The following PDILT variants were observed in gnomAD, a reference collection of about 807,000 sequenced individuals.
PDILT encodes the protein protein disulfide isomerase like, testis expressed, also known as protein disulfide-isomerase-like protein of the testis.
Under a neutral mutation model 53.7 loss-of-function variants are expected in PDILT, and 43 were observed. The ratio of observed to expected loss-of-function variants is 0.80; its 90% CI spans 0.63 to 1.03. The LOEUF (loss-of-function observed/expected upper bound fraction) is 1.03, where lower values mean the gene tolerates loss of function less well. PDILT is among the 50% of genes least tolerant of loss of function. The pLI is 0.00. For synonymous variants in PDILT, 282 were observed against 274.2 expected, an observed-to-expected ratio of 1.03 and a Z score of -0.28; for missense variants, 727 against 712.3, an observed-to-expected ratio of 1.02 and a Z score of -0.24.
At chr16:20,375,075 T>C (rs1338586708) in intron 4 of PDILT, 116 bp from the exon 5 acceptor site, 1 of 1,207,092 alleles carries the variant, frequency 8.3e-7, no homozygotes, top group Non-Finnish European at 1.1e-6. Flanking sequence ...AGTTCTGGGG[T>C]TTGCCTGGGT....
At chr16:20,383,401 T>C (rs1037393747) in intron 3 of PDILT, among the ~76,000 whole-genome samples, 3 of 152,146 alleles carry the variant, frequency 2.0e-5, no homozygotes, top group African/African-American at 4.8e-5. Flanking sequence ...CTGGTATCTA[T>C]AGGAAACAGC....
At position 20,365,470 on chromosome 16, in the gene PDILT, T is replaced by C; in HGVS notation, c.1187A>G (p.Asn396Ser). 1.2e-6 allele frequency: 2 copies of C among 1,613,960 alleles called. No homozygotes were observed. The highest frequency in any genetic ancestry group is 2.2e-5 in the South Asian group (2 of 91,076). Residue 396 changes from asparagine (N) to serine (S), a missense_variant, in exon 9 of 12, where the codon AAC becomes AGC. Asn to Ser is a conservative substitution (Grantham distance 46). Coordinates refer to ENST00000302451, the MANE Select transcript of PDILT (RefSeq NM_174924.2). Reference protein sequence around the residue: ...QGLVKQLVGKNFNVVVFDKEK... With the variant: ...QGLVKQLVGKSFNVVVFDKEK... ...TTTGTCAAAGACGACTACGTTGAAG[T>C]TCTTCCCCACGAGCTGCTTAACCAG...
chr16:20,365,526 A>G lies in PDILT; in HGVS notation c.1131T>C (p.Ser377=), dbSNP rs755695194. Residue 377 remains serine (S), a synonymous_variant, in exon 9 of 12, where the codon AGT becomes AGC. Coordinates refer to ENST00000302451, the MANE Select transcript of PDILT (RefSeq NM_174924.2). ...GGTCCCAGTATTTTGGAATCTCTTC[A>G]CTGGATTGATGTTTCTAGGAAGCAC... ...LSKNATKHQS[S]EEIPKYWDQG... 1.7e-5 allele frequency: 27 copies of G among 1,614,136 alleles called. No individual in the cohort carries two copies. Among genetic ancestry groups the G allele is most frequent in the Non-Finnish European group, 2.2e-5 (26 of 1,179,986 alleles).
At chr16:20,403,125 C>T (rs894213507) in intron 1 of PDILT, among the ~76,000 whole-genome samples, 2 of 152,150 alleles carry the variant, frequency 1.3e-5, no homozygotes, top group African/African-American at 2.4e-5. Context: ...CCACATTCTC[C>T]CTGTGTGCAT....
intron 2 of PDILT, chr16:20,391,065 A>C (rs1266905515): frequency 6.5e-6 from 1 of 153,824 alleles, no homozygotes; most frequent in Non-Finnish European, 1.4e-5. Context: ...TCATCAGCAT[A>C]GTTAATAATC....
In PDILT at chr16:20,384,760, A is replaced by G; in HGVS notation, c.294T>C (p.Phe98=). 1.2e-6 allele frequency: 2 copies of G among 1,614,170 alleles called. No individual in the cohort carries two copies. The highest frequency in any genetic ancestry group is 1.7e-6 in the Non-Finnish European group (2 of 1,180,034). ...TCTCTATGGTAATGTCCACTTTGCC[A>G]AAGCCGATCCCATTCTTGCCTTTGC... ...IMGKGKNGIG[F]GKVDITIEKE... The change falls in exon 3 of 12, where the codon TTT becomes TTC. Residue 98 remains phenylalanine (F), a synonymous_variant. Coordinates refer to ENST00000302451, the MANE Select transcript of PDILT (RefSeq NM_174924.2).
At chr16:20,390,005 G>A (rs965984218) in intron 2 of PDILT, among the ~76,000 whole-genome samples, 9 of 152,108 alleles carry the variant, frequency 5.9e-5, no homozygotes, top group Non-Finnish European at 1.0e-4. Flanking sequence ...ACAGCCCCCA[G>A]CCCCACAAGC....
At chr16:20,374,272 G>T (rs2141715580) in intron 5 of PDILT, among the ~76,000 whole-genome samples, 1 of 152,176 alleles carries the variant, frequency 6.6e-6, no homozygotes, top group Admixed American at 6.5e-5. Context: ...AATCAGTAGG[G>T]TTGTGGTGAT....
intron 1 of PDILT, among the ~76,000 whole-genome samples, chr16:20,403,640 AG>A (rs1283682122): frequency 7.4e-6 from 1 of 134,348 alleles, no homozygotes; most frequent in South Asian, 2.6e-4. Flanking sequence ...GCCTATCAAA[AG>A]GTGCTCACTT....
intron 2 of PDILT, among the ~76,000 whole-genome samples, chr16:20,398,849 A>C (rs1286468231): frequency 6.6e-6 from 1 of 152,192 alleles, no homozygotes; most frequent in South Asian, 2.1e-4. Flanking sequence ...GCTCCTCTTC[A>C]GTGGGACAGA....
chr16:20,360,005 C>A (rs941869035), intron 11 of PDILT, among the ~76,000 whole-genome samples: 6 of 152,178 alleles, frequency 3.9e-5, no homozygotes, highest in African/African-American at 1.4e-4. Flanking sequence ...GAAATGACTA[C>A]TTGAGAATGA....
At chr16:20,366,047 G>T (rs180749556) in intron 8 of PDILT, among the ~76,000 whole-genome samples, 3 of 145,016 alleles carry the variant, frequency 2.1e-5, no homozygotes, top group Non-Finnish European at 3.0e-5. Context: ...CAGAGATTGC[G>T]CTACTGCACA....
intron 9 of PDILT, among the ~76,000 whole-genome samples, chr16:20,365,193 G>T (rs1268681581): frequency 6.6e-6 from 1 of 152,192 alleles, no homozygotes; most frequent in East Asian, 1.9e-4. Flanking sequence ...CCATAGGCCT[G>T]GGTTATGTGG....
At chr16:20,380,400 T>A (rs1281817274) in intron 3 of PDILT, among the ~76,000 whole-genome samples, 1 of 152,084 alleles carries the variant, frequency 6.6e-6, no homozygotes, top group Non-Finnish European at 1.5e-5. Context: ...TGCGGTGGTG[T>A]GATCTCAGTT....
Position 20,399,274 on chromosome 16 carries a change from C to A in PDILT, c.27G>T (p.Leu9=). MDLLWMPL[L]LVAACVSAVH... ...CAGCAGAGACACAAGCGGCCACCAG[C>A]AGCAGGGGCATCCAGAGTAGGTCCA... The change falls in exon 2 of 12, where the codon CTG becomes CTT. Residue 9 remains leucine (L), a synonymous_variant. Coordinates refer to ENST00000302451, the MANE Select transcript of PDILT (RefSeq NM_174924.2). The A allele has an allele frequency of 6.2e-7, 1 of 1,614,078 alleles. No homozygotes were observed. The highest frequency in any genetic ancestry group is 8.5e-7 in the Non-Finnish European group (1 of 1,179,922).
At position 20,399,076 on chromosome 16, in the gene PDILT, T is replaced by A. The variant is rs985118587; in HGVS notation, c.202+23A>T. ...CAGGCCTCATCCCATCTATCATCCA[T>A]CACCCAGGATGGGGGCACTCACGGA... On this transcript the variant is annotated intron_variant, in intron 2 of 11. Transcript: ENST00000302451. The A allele has an allele frequency of 8.1e-6, 13 of 1,613,680 alleles. No homozygotes were observed. In the Admixed American group the frequency reaches 1.5e-4, roughly 19 times the overall value.
intron 2 of PDILT, among the ~76,000 whole-genome samples, chr16:20,398,363 T>G (rs565343744): frequency 6.6e-6 from 1 of 152,218 alleles, no homozygotes; most frequent in South Asian, 2.1e-4. Context: ...GGTTCACGCC[T>G]GTAATCCCAG....
chr16:20,359,446 T>C lies in PDILT; in HGVS notation c.1628A>G (p.Lys543Arg), dbSNP rs758333097. The C allele has an allele frequency of 4.3e-6, 7 of 1,614,072 alleles. No homozygotes were observed. The Admixed American group carries it at 5.0e-5, about 12-fold the overall frequency. Reference sequence around the variant, plus strand: ...GGGCTCTTCCAGCTTGGATACGTACTTGGTCATGTTCTCCAGCTCAGGCGA... The same window carrying C: ...GGGCTCTTCCAGCTTGGATACGTACCTGGTCATGTTCTCCAGCTCAGGCGA... Reference protein sequence around the residue: ...QQSPELENMTKYVSKLEEPAG... With the variant: ...QQSPELENMTRYVSKLEEPAG... Residue 543 changes from lysine to arginine, a missense_variant, in exon 12 of 12, where the codon AAG becomes AGG. Transcript: ENST00000302451.
At chr16:20,383,725 A>G (rs145906421) in intron 3 of PDILT, among the ~76,000 whole-genome samples, 169 of 152,318 alleles carry the variant, frequency 1.1e-3, no homozygotes, top group African/African-American at 3.9e-3. Flanking sequence ...TCAAGACTCA[A>G]TAATTTAACA....
Sources: gnomAD v4.1 joint callset for allele counts (sites outside exome capture counted in the v4.1 genomes callset) on GRCh38, gnomAD v4.1.1 for gene constraint, MANE v1.5 for transcripts, NCBI Gene and HGNC (gene_info 2026-07-23, HGNC 2026-07-21) for gene names.